AGBL1: variants seen among roughly 807,000 people sequenced by gnomAD.
AGBL1 encodes the protein AGBL carboxypeptidase 1, also known as cytosolic carboxypeptidase 4.
In AGBL1, 130 loss-of-function variants were observed where a neutral mutation model predicts 118.9. The ratio of observed to expected loss-of-function variants is 1.09; its 90% CI spans 0.95 to 1.26. The LOEUF (loss-of-function observed/expected upper bound fraction) is 1.26. AGBL1 is among the 50% of genes most tolerant of loss of function. The pLI is 0.00. For missense variants in AGBL1, 1,584 were observed against 1,298.1 expected (o/e 1.22, Z -3.38); for synonymous variants, 555 against 478.9 (o/e 1.16, Z -2.08).
rs183902778 is a variant in AGBL1, at chr15:86,367,636, G to A, written c.2375-29730G>A. The stretch of plus-strand genomic sequence containing the variant: ...TTTACCAGAAGAAAAGAGATGCATG[G>A]TAGGGAGGAAGGCAGGAAAAACTAA... On this transcript the variant is annotated intron_variant, in intron 17 of 22. Coordinates refer to ENST00000614907, the MANE Select transcript of AGBL1 (RefSeq NM_001386094.1). Among the ~76,000 whole-genome samples the A allele has an allele frequency of 2.0e-4, 30 of 152,204 alleles. No individual in the cohort carries two copies. The East Asian group carries it at 5.6e-3, about 28-fold the overall frequency.
chr15:86,247,652 C>A lies in AGBL1; in HGVS notation c.527-19C>A, dbSNP rs762537800. On this transcript the variant is annotated intron_variant, in intron 6 of 22. Transcript: ENST00000614907. ...TGTGGAGAGCCTGTGACTGACCCTGCCTTTCCCTTTGTTTTCAGAGTCGAA... is the reference window on the plus strand; with the variant it reads ...TGTGGAGAGCCTGTGACTGACCCTGACTTTCCCTTTGTTTTCAGAGTCGAA... 1.3e-5 allele frequency: 21 copies of A among 1,579,708 alleles called. No individual in the cohort carries two copies. Among genetic ancestry groups the A allele is most frequent in the Middle Eastern group, 1.8e-4 (1 of 5,666 alleles).
intron 22 of AGBL1, among the ~76,000 whole-genome samples, chr15:86,842,617 ATGCTCCTCTC>A (rs1271686607): frequency 6.6e-6 from 1 of 152,180 alleles, no homozygotes; most frequent in Non-Finnish European, 1.5e-5. Flanking sequence ...ATATAAAGAA[ATGCTCCTCTC>A]TGCAGCAGGA....
At chr15:86,855,538 A>G (rs1021558785) in intron 22 of AGBL1, among the ~76,000 whole-genome samples, 1 of 152,176 alleles carries the variant, frequency 6.6e-6, no homozygotes, top group African/African-American at 2.4e-5. Context: ...TCCTCCTCCT[A>G]TCAGGCAGAT....
At chr15:86,767,439 C>G (rs571017125) in intron 22 of AGBL1, among the ~76,000 whole-genome samples, 3 of 152,022 alleles carry the variant, frequency 2.0e-5, no homozygotes, top group South Asian at 4.1e-4. Context: ...TTAAGAAGAA[C>G]TTTATTATTA....
rs2079048323 is a variant in AGBL1, at chr15:86,264,832, T to A, written c.1661T>A (p.Val554Asp). The A allele has an allele frequency of 5.0e-6, 8 of 1,591,268 alleles. No homozygotes were observed. The highest frequency in any genetic ancestry group is 6.8e-6 in the Non-Finnish European group (8 of 1,172,060). ...TQPMLERKCG[V>D]QRIRIFEDIR... ...CCTATGTTGGAACGAAAATGTGGAGTCCAAAGGTGATGGCGCTACTGACTT... is the reference window on the plus strand; with the variant it reads ...CCTATGTTGGAACGAAAATGTGGAGACCAAAGGTGATGGCGCTACTGACTT... The change falls in exon 11 of 23, where the codon GTC becomes GAC. Residue 554 changes from valine to aspartate, a missense_variant. Coordinates refer to ENST00000614907, the MANE Select transcript of AGBL1 (RefSeq NM_001386094.1).
intron 22 of AGBL1, among the ~76,000 whole-genome samples, chr15:86,731,151 G>A (rs1027494297): frequency 6.6e-6 from 1 of 151,860 alleles, no homozygotes; most frequent in Non-Finnish European, 1.5e-5. Flanking sequence ...ACAAATCAGG[G>A]GTCAAAAAGA....
intron 21 of AGBL1, among the ~76,000 whole-genome samples, chr15:86,663,584 G>T (rs1490990477): frequency 6.6e-6 from 1 of 152,074 alleles, no homozygotes; most frequent in Non-Finnish European, 1.5e-5. Context: ...GCAGGCTGTT[G>T]TTGCACAATA....
At chr15:86,407,469 C>T (rs1160167688) in intron 18 of AGBL1, among the ~76,000 whole-genome samples, 3 of 152,082 alleles carry the variant, frequency 2.0e-5, no homozygotes, top group Admixed American at 6.6e-5. Flanking sequence ...CAATATATGT[C>T]TTGTAAGTCT....
intron 22 of AGBL1, among the ~76,000 whole-genome samples, chr15:86,884,905 A>T (rs982799966): frequency 2.0e-5 from 3 of 152,210 alleles, no homozygotes; most frequent in African/African-American, 7.2e-5. Flanking sequence ...GCTCTCGGAT[A>T]CGGAAGATGT....
chr15:86,238,689 T>G (rs2078593957), intron 6 of AGBL1, among the ~76,000 whole-genome samples: 1 of 152,204 alleles, frequency 6.6e-6, no homozygotes, highest in Non-Finnish European at 1.5e-5. Context: ...AATGCTAAAA[T>G]GTGGATAAAC....
At chr15:87,003,611 C>CT (rs1044954001) in intron 24 of AGBL1, among the ~76,000 whole-genome samples, 1 of 152,022 alleles carries the variant, frequency 6.6e-6, no homozygotes, top group Non-Finnish European at 1.5e-5. Context: ...TGGTCCTGGA[C>CT]TTTTTTTGGT....
intron 22 of AGBL1, among the ~76,000 whole-genome samples, chr15:86,822,035 A>C (rs145088061): frequency 6.6e-6 from 1 of 152,150 alleles, no homozygotes; most frequent in South Asian, 2.1e-4. Context: ...TTCAGTGTCC[A>C]TGTGTGCACA....
At position 86,988,148 on chromosome 15, in the gene AGBL1, C is replaced by T; in HGVS notation, c.3323+60C>T. 4.4e-6 allele frequency: 7 copies of T among 1,583,880 alleles called. No homozygotes were observed. The South Asian group carries it at 8.0e-5, about 18-fold the overall frequency. On this transcript the variant is annotated intron_variant, in intron 24 of 24. Transcript: ENST00000441037. ...GGGGCGGGGATTGCTGGATGAAATA[C>T]CCTGCATGTGACTACATTGGGACTG...
At chr15:86,470,517 T>C (rs1470295385) in intron 18 of AGBL1, among the ~76,000 whole-genome samples, 1 of 152,184 alleles carries the variant, frequency 6.6e-6, no homozygotes, top group African/African-American at 2.4e-5. Flanking sequence ...TTTTGACCAG[T>C]CAGTGTCTTT....
At chr15:86,100,433 A>G (rs1896644245) in intron 1 of AGBL1, among the ~76,000 whole-genome samples, 1 of 152,150 alleles carries the variant, frequency 6.6e-6, no homozygotes, top group South Asian at 2.1e-4. Context: ...TTCAGCAGTG[A>G]AGCCATCCAG....
intron 22 of AGBL1, among the ~76,000 whole-genome samples, chr15:86,721,683 A>C (rs545671061): frequency 5.1e-4 from 78 of 152,316 alleles, no homozygotes; most frequent in African/African-American, 1.7e-3. Context: ...AGGAAATAAA[A>C]GATATTCAAT....
chr15:86,680,544 TTTTCTTTC>T (rs1192641578), intron 22 of AGBL1, among the ~76,000 whole-genome samples: 6 of 150,120 alleles, frequency 4.0e-5, no homozygotes, highest in Non-Finnish European at 7.4e-5. Context: ...TTCTTTTCTT[TTTTCTTTC>T]TTTCTTTCTT....
At chr15:86,111,084 C>A (rs1327299776) in intron 1 of AGBL1, among the ~76,000 whole-genome samples, 1 of 152,232 alleles carries the variant, frequency 6.6e-6, no homozygotes, top group African/African-American at 2.4e-5. Context: ...GCCATCAGGG[C>A]AGGAGGAGAA....
At chr15:86,450,253 TAGATTCTCCCAGGAG>T (rs1198008452) in intron 18 of AGBL1, among the ~76,000 whole-genome samples, 1 of 152,258 alleles carries the variant, frequency 6.6e-6, no homozygotes, top group Non-Finnish European at 1.5e-5. Flanking sequence ...GACTATCCAT[TAGATTCTCCCAGGAG>T]AGGTTTATGT....
Sources: gnomAD v4.1 joint callset for allele counts (sites outside exome capture counted in the v4.1 genomes callset) on GRCh38, gnomAD v4.1.1 for gene constraint, MANE v1.5 for transcripts, NCBI Gene and HGNC (gene_info 2026-07-23, HGNC 2026-07-21) for gene names.